The following DHRS3 variants were observed in gnomAD, a reference collection of about 807,000 sequenced individuals.
DHRS3 encodes the protein short-chain dehydrogenase/reductase 3.
DHRS3 carries 14 observed loss-of-function variants against 27.2 expected under a neutral mutation model. The observed-to-expected ratio is 0.52, with a 90% CI of 0.34 to 0.81. DHRS3 has a LOEUF of 0.81. Among genes scored for constraint, DHRS3 ranks in the 30% least tolerant of loss-of-function variants. DHRS3 has a pLI of 0.01. For synonymous variants in DHRS3, 165 were observed against 175.9 expected, an observed-to-expected ratio of 0.94 and a Z score of 0.49; for missense variants, 322 against 406.2, an observed-to-expected ratio of 0.79 and a Z score of 1.78.
At chr1:12,576,131 G>A (rs1337772260) in intron 4 of DHRS3, among the ~76,000 whole-genome samples, 1 of 152,204 alleles carries the variant, frequency 6.6e-6, no homozygotes, top group Admixed American at 6.5e-5. Flanking sequence ...TTCACGCTCT[G>A]AAAAAATGTG....
intron 1 of DHRS3, among the ~76,000 whole-genome samples, chr1:12,583,640 T>C: frequency 7.5e-6 from 1 of 133,110 alleles, no homozygotes; most frequent in Non-Finnish European, 1.6e-5. Flanking sequence ...CATCCCTCCC[T>C]CACATACCCC....
At position 12,608,417 on chromosome 1, in the gene DHRS3, C is replaced by T. The variant is rs1332471854; in HGVS notation, c.195+8737G>A. On this transcript the variant is annotated intron_variant, in intron 1 of 5. Coordinates refer to ENST00000616661, the MANE Select transcript of DHRS3 (RefSeq NM_004753.7). This position sits in a 1 kb window ranked among gnomAD's most constrained non-coding sequence, Gnocchi z 4.1. ...CCCACCCTGCACCCTCTTGCCTCCTCCCTGCTCCCCAGCACCCTGGAAAGC... is the reference window on the plus strand; with the variant it reads ...CCCACCCTGCACCCTCTTGCCTCCTTCCTGCTCCCCAGCACCCTGGAAAGC... Among the ~76,000 whole-genome samples, 2 of 152,184 alleles carry T rather than the reference C, an allele frequency of 1.3e-5. No homozygotes were observed. Among genetic ancestry groups the T allele is most frequent in the Non-Finnish European group, 2.9e-5 (2 of 68,040 alleles).
chr1:12,603,710 T>C (rs1646851026), intron 1 of DHRS3, among the ~76,000 whole-genome samples: 1 of 152,186 alleles, frequency 6.6e-6, no homozygotes, highest in Non-Finnish European at 1.5e-5. Flanking sequence ...AAGATCATCA[T>C]ACGCTTCACT....
At chr1:12,616,665 T>C (rs1220281658) in intron 1 of DHRS3, 5 of 995,712 alleles carry the variant, frequency 5.0e-6, no homozygotes, top group Non-Finnish European at 6.0e-6. Context: ...CCAAACCAAG[T>C]ACCCTCTCTC....
At position 12,600,236 on chromosome 1, in the gene DHRS3, CACAA is replaced by C. The variant is rs574765530; in HGVS notation, c.195+16914_195+16917del. On this transcript the variant is annotated intron_variant, in intron 1 of 5. Coordinates refer to ENST00000616661, the MANE Select transcript of DHRS3 (RefSeq NM_004753.7). The stretch of plus-strand genomic sequence containing the variant: ...GTGTGTACACGTACACACACACACA[CACAA>C]TCACACAAACATTTCCACTGACTTG... 4.3e-4 allele frequency: 156 copies of C among 366,082 alleles called. 1 individual carries two copies. In the Middle Eastern group the frequency reaches 9.4e-3, roughly 22 times the overall value. 22.7% of individuals were successfully genotyped at this position (366,082 alleles called of 1,614,324 possible). A position where few individuals can be genotyped will look rare whatever the true frequency, so the allele number is the denominator to read the frequency against.
At chr1:12,597,533 T>C (rs1192764614) in intron 1 of DHRS3, among the ~76,000 whole-genome samples, 2 of 152,254 alleles carry the variant, frequency 1.3e-5, no homozygotes, top group African/African-American at 4.8e-5. Context: ...ACTTGGTCAC[T>C]ATCTGAAGTG....
chr1:12,610,927 C>T (rs1480538617), intron 1 of DHRS3, among the ~76,000 whole-genome samples: 2 of 152,104 alleles, frequency 1.3e-5, no homozygotes, highest in African/African-American at 2.4e-5. Context: ...ACCCATCCCG[C>T]ACTGATGCTC....
rs1301640511 is a variant in DHRS3 at position 12,568,223 on chromosome 1, A to C, written c.*117T>G. 17 of 978,210 alleles carry C rather than the reference A, an allele frequency of 1.7e-5. No individual in the cohort carries two copies. The highest frequency in any genetic ancestry group is 1.4e-4 in the Admixed American group (8 of 56,432). 60.6% of individuals were successfully genotyped at this position (978,210 alleles called of 1,614,324 possible). On this transcript the variant is annotated 3_prime_UTR_variant, in exon 6 of 6. Transcript: ENST00000616661. ...GGGGCAGCCGGATTCTTCGCTGGGGACAGGAGCTGTCCTGCTCACCCAGCA... is the reference window on the plus strand; with the variant it reads ...GGGGCAGCCGGATTCTTCGCTGGGGCCAGGAGCTGTCCTGCTCACCCAGCA...
At chr1:12,616,742 G>A (rs896816341) in intron 1 of DHRS3, 2 of 1,010,632 alleles carry the variant, frequency 2.0e-6, no homozygotes, top group Admixed American at 5.7e-5. Flanking sequence ...AATACGAGGC[G>A]CCAGCTAGCA....
intron 4 of DHRS3, among the ~76,000 whole-genome samples, chr1:12,577,185 T>C (rs1646596341): frequency 6.6e-6 from 1 of 152,056 alleles, no homozygotes; most frequent in African/African-American, 2.4e-5. Flanking sequence ...CCAGGGAGAA[T>C]AGTATTTGAG....
chr1:12,571,344 G>A lies in DHRS3; in HGVS notation c.824+1384C>T, dbSNP rs114474161. On this transcript the variant is annotated intron_variant, in intron 5 of 5. Transcript: ENST00000616661. ...TGGTCTGCCCTGCTACATCCCACCC[G>A]ACTGGTACTAAGACGCTTCTGTGAA... Among the ~76,000 whole-genome samples the A allele has an allele frequency of 9.7e-4, 147 of 152,164 alleles. 1 individual carries two copies. Among genetic ancestry groups the A allele is most frequent in the African/African-American group, 3.4e-3 (141 of 41,520 alleles).
At chr1:12,573,290 C>T (rs1646555705) in intron 4 of DHRS3, among the ~76,000 whole-genome samples, 1 of 152,246 alleles carries the variant, frequency 6.6e-6, no homozygotes, top group Non-Finnish European at 1.5e-5. Context: ...CTGGCTCTCT[C>T]CTCCCAGCTC....
At chr1:12,602,479 C>T (rs551408654) in intron 1 of DHRS3, among the ~76,000 whole-genome samples, 3 of 151,264 alleles carry the variant, frequency 2.0e-5, no homozygotes, top group East Asian at 3.9e-4. Context: ...CTCTGCTTCC[C>T]GGGGGAGTCC....
intron 1 of DHRS3, among the ~76,000 whole-genome samples, chr1:12,611,870 T>C (rs752679941): frequency 6.6e-6 from 1 of 151,688 alleles, no homozygotes; most frequent in Non-Finnish European, 1.5e-5. Flanking sequence ...GAAGGAAGGA[T>C]TGCTTGAGCC....
At chr1:12,583,806 C>T (rs993869854) in intron 1 of DHRS3, among the ~76,000 whole-genome samples, 1 of 151,914 alleles carries the variant, frequency 6.6e-6, no homozygotes, top group Non-Finnish European at 1.5e-5. Flanking sequence ...CCCCACCCAT[C>T]CCTCATCTAC....
At chr1:12,605,583 G>A (rs575810773) in intron 1 of DHRS3, among the ~76,000 whole-genome samples, 4 of 152,144 alleles carry the variant, frequency 2.6e-5, no homozygotes, top group Admixed American at 6.5e-5. Flanking sequence ...AGGAAAATGC[G>A]TATTACGAAA....
chr1:12,582,745 T>A (rs1302078747), intron 1 of DHRS3, among the ~76,000 whole-genome samples: 1 of 151,946 alleles, frequency 6.6e-6, no homozygotes, highest in African/African-American at 2.4e-5. Flanking sequence ...CAGCCACCCA[T>A]CCATCTATCT....
intron 1 of DHRS3, chr1:12,616,709 C>A: frequency 2.0e-6 from 2 of 1,008,140 alleles, no homozygotes; most frequent in Non-Finnish European, 2.4e-6. Flanking sequence ...CAGGTTGGGG[C>A]TGGGTAGCGG....
chr1:12,604,548 C>T (rs1011976647), intron 1 of DHRS3, among the ~76,000 whole-genome samples: 1 of 152,190 alleles, frequency 6.6e-6, no homozygotes, highest in Non-Finnish European at 1.5e-5. Flanking sequence ...TGCTTATCAC[C>T]GCTCTCTCCA....
Sources: allele counts gnomAD v4.1 joint callset (sites outside exome capture counted in the v4.1 genomes callset), GRCh38; gene constraint gnomAD v4.1.1; non-coding constraint Gnocchi (gnomAD v3.1); transcripts MANE v1.5; gene names NCBI Gene and HGNC (gene_info 2026-07-23, HGNC 2026-07-21).